Variants in MBNL3 observed in about 807,000 individuals in gnomAD.
MBNL3 encodes muscleblind-like protein 3.
A neutral mutation model predicts 24.5 loss-of-function variants in MBNL3; 6 were observed. The observed-to-expected ratio is 0.25, with a 90% confidence interval of 0.13 to 0.48. The LOEUF is 0.48. Ranked by LOEUF, MBNL3 falls within the 20% of genes least tolerant of loss-of-function variation. The pLI is 0.99. For missense variants in MBNL3, 230 were observed against 293.5 expected (o/e 0.78, Z 1.58); for synonymous variants, 100 against 101.7 (o/e 0.98, Z 0.10).
chrX:132,379,826 G>A, intron 8 of MBNL3, 149 bp from the exon 9 acceptor site: 1 of 455,108 alleles, frequency 2.2e-6, no homozygotes, highest in Non-Finnish European at 3.8e-6. Flanking sequence ...GATTGAAATG[G>A]GGCTTTTGAG....
intron 1 of MBNL3, among the ~76,000 whole-genome samples, chrX:132,470,934 T>C (rs1603267592): frequency 9.0e-6 from 1 of 111,413 alleles, no homozygotes. Flanking sequence ...ATTATAGGCA[T>C]AGACCAATGT....
intron 2 of MBNL3, among the ~76,000 whole-genome samples, chrX:132,419,011 C>T (rs1416566092): frequency 8.9e-6 from 1 of 112,500 alleles, no homozygotes; most frequent in Non-Finnish European, 1.9e-5. Context: ...TGGGCTCAAG[C>T]GATCCACCTG....
chrX:132,466,378 T>C lies in MBNL3; in HGVS notation c.-704+22473A>G, dbSNP rs757845207. 7.1e-5 allele frequency among the ~76,000 whole-genome samples: 8 copies of C among 112,217 alleles called. No individual in the cohort carries two copies. The East Asian group carries it at 2.2e-3, about 31-fold the overall frequency. On this transcript the variant is annotated intron_variant, in intron 1 of 8. Coordinates refer to ENST00000370853, the MANE Select transcript of MBNL3 (RefSeq NM_001386889.1). Reference sequence around the variant, plus strand: ...ATCTTCTTCCTCACTGGCAGCTATTTATTGGCCATGACTTCACTATGCCTC... The same window carrying C: ...ATCTTCTTCCTCACTGGCAGCTATTCATTGGCCATGACTTCACTATGCCTC...
intron 3 of MBNL3, among the ~76,000 whole-genome samples, chrX:132,398,461 C>CAA (rs1940228980): frequency 9.0e-6 from 1 of 111,395 alleles, no homozygotes; most frequent in African/African-American, 3.3e-5. Context: ...TAGTAGGAAA[C>CAA]AAAGATTATT....
intron 1 of MBNL3, among the ~76,000 whole-genome samples, chrX:132,461,996 G>A (rs888705276): frequency 1.8e-5 from 2 of 111,853 alleles, no homozygotes; most frequent in Non-Finnish European, 3.8e-5. Context: ...TAATATGAAA[G>A]CCTGAGTTAC....
chrX:132,405,092 A>G (rs184253398), intron 3 of MBNL3, among the ~76,000 whole-genome samples: 11 of 112,278 alleles, frequency 9.8e-5, no homozygotes, highest in African/African-American at 2.9e-4. Flanking sequence ...TGAATTTTCA[A>G]TAGAACAATA....
intron 1 of MBNL3, among the ~76,000 whole-genome samples, chrX:132,484,574 T>C (rs939768963): frequency 9.0e-6 from 1 of 111,401 alleles, no homozygotes; most frequent in Admixed American, 9.5e-5. Context: ...TAATTTGTGA[T>C]CCTAAATGGA....
chrX:132,398,352 CTT>C (rs1569428161), intron 3 of MBNL3, among the ~76,000 whole-genome samples: 1 of 111,523 alleles, frequency 9.0e-6, no homozygotes, highest in Non-Finnish European at 1.9e-5. Context: ...AGCAGGGTAA[CTT>C]TGACATTGTT....
intron 1 of MBNL3, among the ~76,000 whole-genome samples, chrX:132,460,394 A>T (rs1946570688): frequency 8.9e-6 from 1 of 111,780 alleles, no homozygotes; most frequent in African/African-American, 3.2e-5. Context: ...AGGATTCTGG[A>T]GCCAGAAGGC....
At chrX:132,411,888 G>C (rs905224071) in intron 2 of MBNL3, among the ~76,000 whole-genome samples, 1 of 111,390 alleles carries the variant, frequency 9.0e-6, no homozygotes, top group Non-Finnish European at 1.9e-5. Context: ...GTTGAAGTTT[G>C]TGAGAATAAT....
intron 1 of MBNL3, among the ~76,000 whole-genome samples, chrX:132,482,584 G>A (rs981341152): frequency 9.0e-6 from 1 of 111,679 alleles, no homozygotes; most frequent in African/African-American, 3.3e-5. Context: ...TCTAAATGTC[G>A]TGATGACCAT....
chrX:132,441,507 A>C (rs886341060), intron 1 of MBNL3, among the ~76,000 whole-genome samples: 1 of 112,568 alleles, frequency 8.9e-6, no homozygotes, highest in Non-Finnish European at 1.9e-5. Flanking sequence ...ATGCAGGACC[A>C]TGTTCTAGAG....
At chrX:132,482,924 G>T (rs1947815614) in intron 1 of MBNL3, among the ~76,000 whole-genome samples, 1 of 111,449 alleles carries the variant, frequency 9.0e-6, no homozygotes. Context: ...GATTACACAG[G>T]CATGGTACCC....
At chrX:132,470,769 C>T (rs181424960) in intron 1 of MBNL3, among the ~76,000 whole-genome samples, 6 of 111,639 alleles carry the variant, frequency 5.4e-5, no homozygotes, top group African/African-American at 1.6e-4. Context: ...TAATGTCTGT[C>T]GCGTCTGGTG....
Position 132,477,597 on chromosome X carries a change from T to C in MBNL3, c.-704+11254A>G, listed in dbSNP as rs185769270. On this transcript the variant is annotated intron_variant, in intron 1 of 8. Coordinates refer to ENST00000370853, the MANE Select transcript of MBNL3 (RefSeq NM_001386889.1). ...CCTCATGATCCTACTGGAGATGCAATAGTACCCCCGGAAGGCAATATTTTC... is the reference window on the plus strand; with the variant it reads ...CCTCATGATCCTACTGGAGATGCAACAGTACCCCCGGAAGGCAATATTTTC... Among the ~76,000 whole-genome samples, 5 of 111,157 alleles carry C rather than the reference T, an allele frequency of 4.5e-5. No individual in the cohort carries two copies. In the East Asian group the frequency reaches 1.4e-3, roughly 31 times the overall value.
chrX:132,393,397 C>T (rs1460294915), intron 3 of MBNL3, among the ~76,000 whole-genome samples: 1 of 109,031 alleles, frequency 9.2e-6, no homozygotes. Flanking sequence ...CTCAGAAATG[C>T]AAAAAGCTAT....
chrX:132,489,283 C>T (rs1948168510), upstream of MBNL3, among the ~76,000 whole-genome samples: 1 of 112,310 alleles, frequency 8.9e-6, no homozygotes, highest in Non-Finnish European at 1.9e-5. Context: ...ACTTTCTTTT[C>T]TGGGCTCCTC....
At chrX:132,478,977 C>T (rs1462222784) in intron 1 of MBNL3, among the ~76,000 whole-genome samples, 1 of 112,268 alleles carries the variant, frequency 8.9e-6, no homozygotes, top group Non-Finnish European at 1.9e-5. Context: ...GGGCCCGGCA[C>T]GGTGGCTCAC....
chrX:132,396,994 A>G (rs1266929895), intron 3 of MBNL3, among the ~76,000 whole-genome samples: 3 of 91,966 alleles, frequency 3.3e-5, no homozygotes, highest in Non-Finnish European at 6.3e-5. Context: ...ATATATGTAT[A>G]TGAATTTAGT....
Sources: allele counts gnomAD v4.1 joint callset (sites outside exome capture counted in the v4.1 genomes callset), GRCh38; gene constraint gnomAD v4.1.1; transcripts MANE v1.5; gene names NCBI Gene and HGNC (gene_info 2026-07-23, HGNC 2026-07-21).